The following COL24A1 variants were observed in gnomAD, a reference collection of about 807,000 sequenced individuals.
The protein encoded by COL24A1 is collagen alpha-1(XXIV) chain.
In COL24A1, 224 loss-of-function variants were observed where a neutral mutation model predicts 253.9. The ratio of observed to expected loss-of-function variants is 0.88; its 90% CI spans 0.79 to 0.99. The LOEUF is 0.99. Among genes scored for constraint, COL24A1 ranks in the 50% least tolerant of loss-of-function variants. The probability of loss-of-function intolerance (pLI) is 0.00; values close to 1 mark genes in which losing one functional copy is unlikely to be tolerated. For missense variants in COL24A1, 2,131 were observed against 2,068.5 expected (o/e 1.03, Z -0.59); for synonymous variants, 685 against 673.7 (o/e 1.02, Z -0.26).
chr1:85,869,219 T>C (rs1680134799), intron 35 of COL24A1, among the ~76,000 whole-genome samples: 1 of 152,190 alleles, frequency 6.6e-6, no homozygotes, highest in South Asian at 2.1e-4. Flanking sequence ...TGTATTTACA[T>C]GGGTTAATAA....
At chr1:86,107,757 G>C (rs985487182) in intron 5 of COL24A1, among the ~76,000 whole-genome samples, 2 of 151,740 alleles carry the variant, frequency 1.3e-5, no homozygotes, top group Non-Finnish European at 2.9e-5. Flanking sequence ...GGATGGTCTC[G>C]ATCTCCTGAC....
chr1:85,858,677 T>TTCCC lies in COL24A1; in HGVS notation c.3301-9275_3301-9272dup, dbSNP rs1351013491. Reference sequence around the variant, plus strand: ...CTTCCTTCCTTCCTTCCTTCCTTCCTTCCCTCCGTCCTTCTTCCCTCCCTC... The same window carrying TTCCC: ...CTTCCTTCCTTCCTTCCTTCCTTCCTTCCCTCCCTCCGTCCTTCTTCCCTCCCTC... On this transcript the variant is annotated intron_variant, in intron 37 of 59. Coordinates refer to ENST00000370571, the MANE Select transcript of COL24A1 (RefSeq NM_152890.7). Among the ~76,000 whole-genome samples, 237 of 146,178 alleles carry TTCCC rather than the reference T, an allele frequency of 1.6e-3. 2 individuals carry two copies. The highest frequency in any genetic ancestry group is 5.8e-3 in the African/African-American group (227 of 39,254).
At chr1:85,962,617 C>T (rs957706161) in intron 23 of COL24A1, among the ~76,000 whole-genome samples, 4 of 152,046 alleles carry the variant, frequency 2.6e-5, no homozygotes, top group Non-Finnish European at 5.9e-5. Flanking sequence ...ATACTTAACA[C>T]TGGTAATGAG....
intron 35 of COL24A1, among the ~76,000 whole-genome samples, chr1:85,870,143 C>A (rs958684720): frequency 1.3e-5 from 2 of 152,146 alleles, no homozygotes; most frequent in Admixed American, 6.6e-5. Flanking sequence ...ACAAGAAGAG[C>A]TAACTATCCT....
intron 24 of COL24A1, among the ~76,000 whole-genome samples, chr1:85,925,615 G>A (rs1053139702): frequency 2.0e-5 from 3 of 152,152 alleles, no homozygotes; most frequent in African/African-American, 7.2e-5. Flanking sequence ...AAACTGGCTA[G>A]CCATATGTAG....
intron 24 of COL24A1, 56 bp downstream of exon 24, chr1:85,961,193 T>C: frequency 7.8e-7 from 1 of 1,277,702 alleles, no homozygotes; most frequent in Non-Finnish European, 1.1e-6. Flanking sequence ...ATGGCTAATA[T>C]GATTCCTAAA....
At chr1:86,038,767 G>A (rs927217510) in intron 12 of COL24A1, among the ~76,000 whole-genome samples, 3 of 152,044 alleles carry the variant, frequency 2.0e-5, no homozygotes, top group Non-Finnish European at 4.4e-5. Context: ...ACTGTGGAGA[G>A]GTCTCCATGG....
chr1:85,873,626 G>A (rs1680791439), intron 35 of COL24A1, among the ~76,000 whole-genome samples: 1 of 152,110 alleles, frequency 6.6e-6, no homozygotes, highest in Non-Finnish European at 1.5e-5. Flanking sequence ...CTTATAGGTG[G>A]GAAATAAACA....
chr1:85,773,038 A>AT (rs1274655922), intron 53 of COL24A1, among the ~76,000 whole-genome samples: 1 of 152,026 alleles, frequency 6.6e-6, no homozygotes, highest in Non-Finnish European at 1.5e-5. Flanking sequence ...TCTTGAGTGG[A>AT]TTTTTGTATA....
At chr1:85,821,746 C>T (rs1673645996) in intron 45 of COL24A1, among the ~76,000 whole-genome samples, 1 of 152,082 alleles carries the variant, frequency 6.6e-6, no homozygotes, top group Non-Finnish European at 1.5e-5. Context: ...CCTTTTAGCT[C>T]CAACACGCAG....
At chr1:85,913,005 T>C (rs1209144088) in intron 24 of COL24A1, among the ~76,000 whole-genome samples, 1 of 152,214 alleles carries the variant, frequency 6.6e-6, no homozygotes, top group African/African-American at 2.4e-5. Flanking sequence ...TAAAATTATA[T>C]ATGTGGCTTA....
intron 19 of COL24A1, among the ~76,000 whole-genome samples, chr1:85,996,014 G>A (rs769315248): frequency 5.9e-5 from 9 of 152,078 alleles, no homozygotes; most frequent in Non-Finnish European, 8.8e-5. Flanking sequence ...ATAGCAGTGC[G>A]AGAATGGATG....
rs747257246 is a variant in COL24A1 at position 85,842,125 on chromosome 1, C to T, written c.3517-4G>A. On this transcript the variant is annotated splice_polypyrimidine_tract_variant and splice_region_variant and intron_variant, in intron 40 of 59. Coordinates refer to ENST00000370571, the MANE Select transcript of COL24A1 (RefSeq NM_152890.7). ...GTCCTGGTTGGCCCTGATGGCCCTA[C>T]GAAAGGACAAGTAGACATTTATACA... 49 of 1,613,106 alleles carry T rather than the reference C, an allele frequency of 3.0e-5. No individual in the cohort carries two copies. Among genetic ancestry groups the T allele is most frequent in the South Asian group, 2.0e-4 (18 of 91,050 alleles).
intron 14 of COL24A1, 110 bp downstream of exon 14, chr1:86,031,768 A>T (rs751988319): frequency 3.8e-6 from 3 of 781,598 alleles, no homozygotes; most frequent in Non-Finnish European, 6.0e-6. Flanking sequence ...TTGATAACCA[A>T]CAATGACAGT....
At chr1:85,820,442 G>A (rs1673504510) in intron 45 of COL24A1, among the ~76,000 whole-genome samples, 1 of 152,192 alleles carries the variant, frequency 6.6e-6, no homozygotes, top group African/African-American at 2.4e-5. Context: ...CCTGAGATGA[G>A]CAAATAGCTG....
At chr1:86,097,458 T>TCCTCCCTCCTCCTCCTCCCTCCTCC (rs1557606605) in intron 5 of COL24A1, among the ~76,000 whole-genome samples, 1 of 39,368 alleles carries the variant, frequency 2.5e-5, no homozygotes, top group African/African-American at 9.0e-5. Flanking sequence ...CCCCCTCCTC[T>TCCTCCCTCCTCCTCCTCCCTCCTCC]TCCTCCCTCC....
At chr1:86,113,284 T>A (rs1705796380) in intron 4 of COL24A1, among the ~76,000 whole-genome samples, 1 of 152,196 alleles carries the variant, frequency 6.6e-6, no homozygotes, top group African/African-American at 2.4e-5. Flanking sequence ...CTTAAGCGCA[T>A]ACAACCAGTA....
chr1:86,146,728 T>A (rs991978728), intron 1 of COL24A1, among the ~76,000 whole-genome samples: 1 of 152,008 alleles, frequency 6.6e-6, no homozygotes, highest in Non-Finnish European at 1.5e-5. Context: ...ACTAGATTCA[T>A]GATTTTTTGG....
In COL24A1 at chr1:85,818,700, C is replaced by A. The variant is rs573620552; in HGVS notation, c.3790-613G>T. On this transcript the variant is annotated intron_variant, in intron 45 of 59. Coordinates refer to ENST00000370571, the MANE Select transcript of COL24A1 (RefSeq NM_152890.7). ...ATGGGTCTGCCAGGATAGTTAGGAA[C>A]TTTGCTCTTGCAAATCATGCCATTG... is the stretch of plus-strand genomic sequence containing the variant. Among the ~76,000 whole-genome samples the A allele has an allele frequency of 5.4e-4, 83 of 152,312 alleles. 1 individual carries two copies. In the Middle Eastern group the frequency reaches 0.017, roughly 31 times the overall value.
Sources: allele counts gnomAD v4.1 joint callset (sites outside exome capture counted in the v4.1 genomes callset), GRCh38; gene constraint gnomAD v4.1.1; transcripts MANE v1.5; gene names NCBI Gene and HGNC (gene_info 2026-07-23, HGNC 2026-07-21).